Variants in DNER observed in about 807,000 individuals in gnomAD.
The protein encoded by DNER is delta and Notch-like epidermal growth factor-related receptor.
Under a neutral mutation model 78.2 loss-of-function variants are expected in DNER, and 33 were observed. The ratio of observed to expected loss-of-function variants is 0.42; its 90% CI spans 0.32 to 0.56. The LOEUF is 0.56. DNER is among the 20% of genes least tolerant of loss of function. DNER has a pLI of 0.11. For missense variants in DNER, 918 were observed against 975.3 expected, an observed-to-expected ratio of 0.94 and a Z score of 0.78; for synonymous variants, 417 against 384.8, an observed-to-expected ratio of 1.08 and a Z score of -0.98.
chr2:229,710,855 G>A (rs1699900887), intron 1 of DNER, among the ~76,000 whole-genome samples: 1 of 152,076 alleles, frequency 6.6e-6, no homozygotes. Flanking sequence ...CAGGTGCTCA[G>A]TGATTTACAG....
In DNER at chr2:229,465,967, C is replaced by T. The variant is rs188281897; in HGVS notation, c.1261+11173G>A. The stretch of plus-strand genomic sequence containing the variant: ...TCTCCTTGTCCTCTTATAGCCAAAT[C>T]TGTCCACTTCTCTCTATCTCCATTG... On this transcript the variant is annotated intron_variant, in intron 7 of 12. Coordinates refer to ENST00000341772, the MANE Select transcript of DNER (RefSeq NM_139072.4). Among the ~76,000 whole-genome samples, 40 of 152,230 alleles carry T rather than the reference C, an allele frequency of 2.6e-4. 1 individual carries two copies. The highest frequency in any genetic ancestry group is 8.9e-4 in the African/African-American group (37 of 41,532).
At chr2:229,468,848 C>T (rs2154211086) in intron 7 of DNER, among the ~76,000 whole-genome samples, 1 of 152,054 alleles carries the variant, frequency 6.6e-6, no homozygotes, top group East Asian at 1.9e-4. Context: ...AGGAAGACAG[C>T]CAAAGAAGGG....
chr2:229,424,753 T>C (rs1208222125), intron 8 of DNER, among the ~76,000 whole-genome samples: 1 of 152,190 alleles, frequency 6.6e-6, no homozygotes, highest in Non-Finnish European at 1.5e-5. Flanking sequence ...GAGGGCCTAA[T>C]TTAGTCCTTA....
At chr2:229,433,779 T>G (rs894344915) in intron 8 of DNER, among the ~76,000 whole-genome samples, 30 of 152,154 alleles carry the variant, frequency 2.0e-4, no homozygotes, top group Non-Finnish European at 3.8e-4. Flanking sequence ...AAAAATAATA[T>G]TATAGTTTTG....
intron 1 of DNER, among the ~76,000 whole-genome samples, chr2:229,592,267 T>C (rs375236732): frequency 8.5e-5 from 13 of 152,342 alleles, no homozygotes; most frequent in African/African-American, 3.1e-4. Context: ...GGAATCTAAA[T>C]TGGAATCTCC....
At chr2:229,705,199 C>T (rs1406255914) in intron 1 of DNER, among the ~76,000 whole-genome samples, 1 of 152,202 alleles carries the variant, frequency 6.6e-6, no homozygotes, top group Non-Finnish European at 1.5e-5. Context: ...CACAGAATGT[C>T]TTCCATAAAG....
At chr2:229,395,696 C>T (rs111860189) in intron 10 of DNER, among the ~76,000 whole-genome samples, 9,479 of 152,128 alleles carry the variant, frequency 0.062, 342 homozygotes, top group Middle Eastern at 0.088. Context: ...GTAAGGAGTT[C>T]GAGACTACCC....
Position 229,469,963 on chromosome 2 carries a change from T to C in DNER, c.1261+7177A>G, listed in dbSNP as rs138475574. ...CCAACTCAAGTAATAATAATAATAA[T>C]GTCAAAGTGCCAAGCACAGTGCTTA... On this transcript the variant is annotated intron_variant, in intron 7 of 12. Transcript: ENST00000341772. 1.6e-3 allele frequency among the ~76,000 whole-genome samples: 237 copies of C among 152,160 alleles called. 3 individuals are homozygous for C. Among genetic ancestry groups the C allele is most frequent in the African/African-American group, 5.3e-3 (220 of 41,518 alleles).
chr2:229,682,502 G>A (rs1699402624), intron 1 of DNER, among the ~76,000 whole-genome samples: 1 of 152,098 alleles, frequency 6.6e-6, no homozygotes, highest in Admixed American at 6.6e-5. Flanking sequence ...TAAGCAAATG[G>A]CATCTTAAAA....
chr2:229,612,171 G>A (rs1158178582), intron 1 of DNER, among the ~76,000 whole-genome samples: 1 of 152,110 alleles, frequency 6.6e-6, no homozygotes, highest in African/African-American at 2.4e-5. Context: ...TTTGAAATGG[G>A]GATAGTACTT....
At position 229,394,775 on chromosome 2, in the gene DNER, T is replaced by C. The variant is rs1301052139; in HGVS notation, c.1724-6379A>G. On this transcript the variant is annotated intron_variant, in intron 10 of 12. Transcript: ENST00000341772. ...ATCTAGCAGCAAAAGCAAAGTAAAATGGCTTGAGGGGGAATTAAAATTAGA... is the reference window on the plus strand; with the variant it reads ...ATCTAGCAGCAAAAGCAAAGTAAAACGGCTTGAGGGGGAATTAAAATTAGA... Among the ~76,000 whole-genome samples the C allele has an allele frequency of 2.6e-5, 4 of 152,286 alleles. No individual in the cohort carries two copies. In the East Asian group the frequency reaches 5.8e-4, roughly 22 times the overall value.
At position 229,407,269 on chromosome 2, in the gene DNER, G is replaced by A. The variant is rs1212527675; in HGVS notation, c.1686C>T (p.Gly562=). The A allele has an allele frequency of 1.2e-6, 2 of 1,613,776 alleles. No individual in the cohort carries two copies. The highest frequency in any genetic ancestry group is 2.2e-5 in the South Asian group (2 of 91,068). Residue 562 remains glycine (G), a synonymous_variant, in exon 10 of 13, where the codon GGC becomes GGT. Coordinates refer to ENST00000341772, the MANE Select transcript of DNER (RefSeq NM_139072.4). ...GTGCACAGATGCACGTGCCATTCAG[G>A]CCGTCGCTGTCACAGGTGGCTCCGT... ...CLNGATCDSD[G]LNGTCICAPG...
intron 1 of DNER, among the ~76,000 whole-genome samples, chr2:229,608,729 T>G (rs1010867515): frequency 6.6e-6 from 1 of 151,894 alleles, no homozygotes; most frequent in Non-Finnish European, 1.5e-5. Flanking sequence ...GGGAGGGAAG[T>G]GGGTTGGGGA....
At chr2:229,362,341 T>C (rs1341104817) in intron 12 of DNER, among the ~76,000 whole-genome samples, 1 of 152,198 alleles carries the variant, frequency 6.6e-6, no homozygotes, top group African/African-American at 2.4e-5. Flanking sequence ...AGGTGGAGCT[T>C]TCTGGCTTCC....
chr2:229,395,425 T>C (rs1024138172), intron 10 of DNER, among the ~76,000 whole-genome samples: 1 of 152,198 alleles, frequency 6.6e-6, no homozygotes, highest in Non-Finnish European at 1.5e-5. Context: ...CTCAGGGGAA[T>C]GTCCTTGCAG....
intron 1 of DNER, among the ~76,000 whole-genome samples, chr2:229,708,362 A>C (rs1026325061): frequency 2.0e-5 from 3 of 152,222 alleles, no homozygotes; most frequent in Non-Finnish European, 4.4e-5. Flanking sequence ...GGGACAGGGG[A>C]ACCGTAGGAC....
intron 8 of DNER, 102 bp from the exon 9 acceptor site, chr2:229,418,332 A>G (rs538639282): frequency 1.3e-6 from 2 of 1,507,392 alleles, no homozygotes; most frequent in African/African-American, 2.7e-5. Context: ...ATTAGAAAGT[A>G]TGGTATAAAC....
chr2:229,710,854 A>T (rs555394182), intron 1 of DNER, among the ~76,000 whole-genome samples: 13 of 152,296 alleles, frequency 8.5e-5, no homozygotes, highest in African/African-American at 2.9e-4. Flanking sequence ...ACAGGTGCTC[A>T]GTGATTTACA....
chr2:229,648,461 C>T, intron 1 of DNER, among the ~76,000 whole-genome samples: 1 of 152,186 alleles, frequency 6.6e-6, no homozygotes, highest in East Asian at 1.9e-4. Flanking sequence ...CTATTTAGAG[C>T]TTTCTCTTTG....
Sources: allele counts gnomAD v4.1 joint callset (sites outside exome capture counted in the v4.1 genomes callset), GRCh38; gene constraint gnomAD v4.1.1; transcripts MANE v1.5; gene names NCBI Gene and HGNC (gene_info 2026-07-23, HGNC 2026-07-21).